CACNA1I: variants seen among roughly 807,000 people sequenced by gnomAD.
CACNA1I encodes the protein voltage-dependent T-type calcium channel subunit alpha-1I.
A neutral mutation model predicts 201.6 loss-of-function variants in CACNA1I; 74 were observed. The observed-to-expected ratio is 0.37, with a 90% CI of 0.30 to 0.45. The LOEUF is 0.45. Among genes scored for constraint, CACNA1I ranks in the 20% least tolerant of loss-of-function variants. CACNA1I has a pLI of 1.00. For synonymous variants in CACNA1I, 1,431 were observed against 1,345.2 expected (o/e 1.06, Z -1.40); for missense variants, 2,346 against 3,138.1 (o/e 0.75, Z 6.03).
rs562427677 is a variant in CACNA1I, at chr22:39,666,990, G to T, written c.4104+984G>T. Among the ~76,000 whole-genome samples, 3 of 152,222 alleles carry T rather than the reference G, an allele frequency of 2.0e-5. No individual in the cohort carries two copies. The highest frequency in any genetic ancestry group is 4.4e-5 in the Non-Finnish European group (3 of 68,028). ...GCCCCAGTGCCAGCTCCGCCCCTTT[G>T]GAGCATTTCTGGGTCTGCCTGGCTC... On this transcript the variant is annotated intron_variant, in intron 23 of 36. Transcript: ENST00000402142. The surrounding 1 kb of genome is among the most constrained non-coding windows in gnomAD (Gnocchi z 4.1).
intron 10 of CACNA1I, among the ~76,000 whole-genome samples, chr22:39,657,602 T>A (rs1934862751): frequency 6.6e-6 from 1 of 152,222 alleles, no homozygotes; most frequent in African/African-American, 2.4e-5. Flanking sequence ...CCACACCACT[T>A]GTTAGCTCTG....
intron 4 of CACNA1I, among the ~76,000 whole-genome samples, chr22:39,627,512 C>A (rs994914210): frequency 6.6e-6 from 1 of 152,212 alleles, no homozygotes; most frequent in Middle Eastern, 3.2e-3. Flanking sequence ...ACGCCCCAGG[C>A]CAAGCCCTTT....
intron 4 of CACNA1I, among the ~76,000 whole-genome samples, chr22:39,620,959 T>C (rs1895528323): frequency 6.6e-6 from 1 of 152,152 alleles, no homozygotes; most frequent in African/African-American, 2.4e-5. Flanking sequence ...GGTTTCACCA[T>C]ATTGGTCAGG....
intron 1 of CACNA1I, among the ~76,000 whole-genome samples, chr22:39,578,932 G>A (rs976420483): frequency 2.6e-5 from 4 of 151,918 alleles, no homozygotes; most frequent in African/African-American, 4.8e-5. Flanking sequence ...CTTCCCCATC[G>A]CCGTGGTTCT....
intron 16 of CACNA1I, 32 bp from the exon 17 acceptor site, chr22:39,661,933 G>A: frequency 7.1e-7 from 1 of 1,398,704 alleles, no homozygotes; most frequent in Middle Eastern, 2.3e-4. Context: ...GTGTGCCTGT[G>A]GGGCGCTGAC....
rs1316990688 is a variant in CACNA1I at position 39,662,268 on chromosome 22, G to C, written c.3205G>C (p.Glu1069Gln). 6.6e-7 allele frequency: 1 copy of C among 1,518,548 alleles called. No homozygotes were observed. Among genetic ancestry groups the C allele is most frequent in the African/African-American group, 1.4e-5 (1 of 69,664 alleles). The allele number at this position is 1,518,548 out of a possible 1,614,324, so 94.1% of individuals were successfully genotyped here. Residue 1069 changes from glutamate (E) to glutamine (Q), a missense_variant, in exon 17 of 37, where the codon GAG becomes CAG. Physicochemically the swap from Glu to Gln is conservative, Grantham distance 29. Around this residue, in one of 13 missense-constraint regions of CACNA1I, gnomAD observed 288 missense variants for 255.2 expected, o/e 1.13. Transcript: ENST00000402142. The part of the protein sequence containing the change: ...LDNRDSVDLA[E>Q]LVPAVGAHPR... ...CAACAGGGACTCGGTGGACCTGGCC[G>C]AGCTGGTGCCCGCGGTGGGCGCCCA...
At chr22:39,671,262 G>A (rs771307497) in intron 26 of CACNA1I, among the ~76,000 whole-genome samples, 12 of 152,174 alleles carry the variant, frequency 7.9e-5, no homozygotes, top group African/African-American at 1.4e-4. Flanking sequence ...TGCAAGGCAC[G>A]CTACATATAT....
intron 3 of CACNA1I, among the ~76,000 whole-genome samples, chr22:39,601,987 T>C (rs1211659467): frequency 1.8e-4 from 3 of 16,826 alleles, no homozygotes; most frequent in East Asian, 1.6e-3. Context: ...CTCCCTTCCT[T>C]CCTTCCTTCC....
chr22:39,619,250 C>G lies in CACNA1I; in HGVS notation c.483-60C>G, dbSNP rs573572230. On this transcript the variant is annotated intron_variant, in intron 3 of 36. Transcript: ENST00000402142. The stretch of plus-strand genomic sequence containing the variant: ...CAGGTGGCTGGAGAATGCTGTGGCC[C>G]GGGCCCTGGCCCCAGCTGGCCTCCA... 10 of 1,325,622 alleles carry G rather than the reference C, an allele frequency of 7.5e-6. No individual in the cohort carries two copies. In the East Asian group the frequency reaches 2.3e-4, roughly 30 times the overall value. The allele number at this position is 1,325,622 out of a possible 1,614,324, so 82.1% of individuals were successfully genotyped here. A position where few individuals can be genotyped will look rare whatever the true frequency, so the allele number is the denominator to read the frequency against.
At chr22:39,578,490 G>A (rs1932435095) in intron 1 of CACNA1I, among the ~76,000 whole-genome samples, 1 of 151,938 alleles carries the variant, frequency 6.6e-6, no homozygotes, top group Non-Finnish European at 1.5e-5. Context: ...GTGACGACTG[G>A]TACCACCCTC....
chr22:39,621,473 A>C (rs1447895000), intron 4 of CACNA1I, among the ~76,000 whole-genome samples: 1 of 152,226 alleles, frequency 6.6e-6, no homozygotes. Context: ...TGCAGAATGC[A>C]TCAGTCAGTC....
intron 17 of CACNA1I, 82 bp from the exon 18 acceptor site, chr22:39,662,694 C>T (rs2146451482): frequency 9.6e-7 from 1 of 1,037,820 alleles, no homozygotes; most frequent in South Asian, 1.4e-5. Flanking sequence ...CCTGCGACCC[C>T]AGTTGGCGCG....
chr22:39,640,200 C>G (rs1178917507), intron 5 of CACNA1I, among the ~76,000 whole-genome samples: 1 of 152,004 alleles, frequency 6.6e-6, no homozygotes, highest in African/African-American at 2.4e-5. Context: ...AACAGGCTGA[C>G]CAATATGGTG....
chr22:39,576,145 CT>C (rs1217325666), intron 1 of CACNA1I, among the ~76,000 whole-genome samples: 2 of 152,178 alleles, frequency 1.3e-5, no homozygotes, highest in African/African-American at 4.8e-5. Context: ...CACTCACTTC[CT>C]TTTCCCCCTC....
intron 1 of CACNA1I, among the ~76,000 whole-genome samples, chr22:39,578,129 G>A (rs1021482578): frequency 8.5e-5 from 13 of 152,104 alleles, no homozygotes; most frequent in African/African-American, 1.4e-4. Context: ...GTGGGAGGGC[G>A]GGAAGGTGGG....
intron 4 of CACNA1I, among the ~76,000 whole-genome samples, chr22:39,622,477 G>C (rs1933774615): frequency 6.6e-6 from 1 of 151,956 alleles, no homozygotes; most frequent in Non-Finnish European, 1.5e-5. Context: ...GGACCAAGGG[G>C]TGGGGCATGA....
At chr22:39,678,511 G>T (rs1212083396) in intron 31 of CACNA1I, among the ~76,000 whole-genome samples, 1 of 152,218 alleles carries the variant, frequency 6.6e-6, no homozygotes, top group Non-Finnish European at 1.5e-5. Context: ...GCAGGGAGGG[G>T]CTCCCAGAGG....
At position 39,675,405 on chromosome 22, in the gene CACNA1I, C is replaced by G. The variant is rs539143378; in HGVS notation, c.4854+1372C>G. On this transcript the variant is annotated intron_variant, in intron 29 of 36. Transcript: ENST00000402142. ...CCTTCCCCATGCTCTGACCCCTGGG[C>G]GGTTCTATCATGACTCCCAAATCCA... is the stretch of plus-strand genomic sequence containing the variant. 1.0e-3 allele frequency among the ~76,000 whole-genome samples: 152 copies of G among 152,264 alleles called. 1 individual carries two copies. The highest frequency in any genetic ancestry group is 8.9e-3 in the South Asian group (43 of 4,828).
rs767590308 is a variant in CACNA1I, at chr22:39,682,570, C to T, written c.5739C>T (p.Ala1913=). 32 of 1,613,532 alleles carry T rather than the reference C, an allele frequency of 2.0e-5. No individual in the cohort carries two copies. The Admixed American group carries it at 2.0e-4, about 10-fold the overall frequency. Residue 1913 remains alanine, a synonymous_variant, in exon 35 of 37, where the codon GCC becomes GCT. Coordinates refer to ENST00000402142, the MANE Select transcript of CACNA1I (RefSeq NM_021096.4). The part of the protein sequence containing the change: ...GECFFPLSST[A]VSPDPENFLC... ...GCTTCTTCCCCTTGTCCTCTACGGC[C>T]GTCTCGCCGGATCCAGAGAACTTCC... is the stretch of plus-strand genomic sequence containing the variant.
Sources: gnomAD v4.1 joint callset for allele counts (sites outside exome capture counted in the v4.1 genomes callset) on GRCh38, gnomAD v4.1.1 for gene constraint, gnomAD v4.1.1 regional missense constraint, Gnocchi (gnomAD v3.1) non-coding constraint, MANE v1.5 for transcripts, NCBI Gene and HGNC (gene_info 2026-07-23, HGNC 2026-07-21) for gene names.